SLCO6A1: variants seen among roughly 807,000 people sequenced by gnomAD.
SLCO6A1 encodes the protein solute carrier organic anion transporter family member 6A1.
A neutral mutation model predicts 72.7 loss-of-function variants in SLCO6A1; 65 were observed. That is an observed-to-expected ratio of 0.89 (90% confidence interval 0.73 to 1.10). SLCO6A1 has a LOEUF of 1.10. Ranked by LOEUF, SLCO6A1 falls within the 50% of genes least tolerant of loss-of-function variation. The probability of loss-of-function intolerance (pLI) is 0.00; values close to 1 mark genes in which losing one functional copy is unlikely to be tolerated. For synonymous variants in SLCO6A1, 314 were observed against 298.2 expected (o/e 1.05, Z -0.55); for missense variants, 874 against 872.6 (o/e 1.00, Z -0.02).
chr5:102,398,492 C>A (rs1747223708), intron 10 of SLCO6A1, among the ~76,000 whole-genome samples: 1 of 152,068 alleles, frequency 6.6e-6, no homozygotes, highest in Non-Finnish European at 1.5e-5. Context: ...CTACTAAATT[C>A]TAAGGGCTTT....
intron 12 of SLCO6A1, among the ~76,000 whole-genome samples, chr5:102,387,028 AG>A (rs761564993): frequency 6.2e-4 from 95 of 152,198 alleles, no homozygotes; most frequent in Admixed American, 3.5e-3. Flanking sequence ...ATATTCTTTC[AG>A]TGTAATGTCT....
chr5:102,378,696 GTTC>G (rs1745938860), intron 12 of SLCO6A1, among the ~76,000 whole-genome samples: 1 of 152,046 alleles, frequency 6.6e-6, no homozygotes, highest in Non-Finnish European at 1.5e-5. Context: ...ATGTAGTTGT[GTTC>G]TTTTCATTTT....
At chr5:102,405,783 A>G (rs1038457655) in intron 9 of SLCO6A1, among the ~76,000 whole-genome samples, 1 of 152,108 alleles carries the variant, frequency 6.6e-6, no homozygotes, top group Admixed American at 6.5e-5. Flanking sequence ...CATTATTTTC[A>G]TAAGATATTT....
intron 7 of SLCO6A1, among the ~76,000 whole-genome samples, chr5:102,422,335 G>A (rs1277828176): frequency 6.6e-6 from 1 of 152,150 alleles, no homozygotes; most frequent in Non-Finnish European, 1.5e-5. Context: ...CTGAGCTAAA[G>A]GAGCACATTC....
chr5:102,450,928 G>A (rs1363765996), intron 6 of SLCO6A1, among the ~76,000 whole-genome samples: 4 of 152,130 alleles, frequency 2.6e-5, no homozygotes, highest in African/African-American at 4.8e-5. Flanking sequence ...GATAGTAACC[G>A]TGGTACCACT....
intron 10 of SLCO6A1, 125 bp from the exon 11 acceptor site, chr5:102,391,170 AT>A (rs1231068726): frequency 3.4e-6 from 3 of 875,116 alleles, no homozygotes; most frequent in Non-Finnish European, 5.5e-6. Context: ...TCTTTAGCCA[AT>A]TGACAGAGTT....
chr5:102,434,912 A>C lies in SLCO6A1; in HGVS notation c.1276+3705T>G, dbSNP rs766632539. Among the ~76,000 whole-genome samples, 64 of 152,318 alleles carry C rather than the reference A, an allele frequency of 4.2e-4. 1 individual carries two copies. The highest frequency in any genetic ancestry group is 6.2e-4 in the South Asian group (3 of 4,830). On this transcript the variant is annotated intron_variant, in intron 7 of 13. Transcript: ENST00000506729. ...TACCCTGAGTGTAAAAAGAAAAAAA[A>C]TTATAGCCACTATGAGCAGAGACCA... is the stretch of plus-strand genomic sequence containing the variant.
At chr5:102,408,879 T>G (rs1480872121) in intron 9 of SLCO6A1, among the ~76,000 whole-genome samples, 10 of 152,182 alleles carry the variant, frequency 6.6e-5, no homozygotes, top group Non-Finnish European at 2.9e-5. Context: ...TTAAGCTGAA[T>G]GAAAACCTGA....
At chr5:102,382,843 T>G (rs1182002743) in intron 12 of SLCO6A1, among the ~76,000 whole-genome samples, 1 of 151,080 alleles carries the variant, frequency 6.6e-6, no homozygotes, top group East Asian at 1.9e-4. Flanking sequence ...GAAACTTTAC[T>G]GAAATCACTT....
At chr5:102,411,828 T>A (rs573585777) in intron 9 of SLCO6A1, among the ~76,000 whole-genome samples, 1 of 152,112 alleles carries the variant, frequency 6.6e-6, no homozygotes, top group Non-Finnish European at 1.5e-5. Flanking sequence ...CAGTCCTTTG[T>A]GGGGGGGAAA....
At position 102,491,377 on chromosome 5, in the gene SLCO6A1, G is replaced by A. The variant is rs540724142; in HGVS notation, c.358+7110C>T. ...GCAGGTGGAGCTGCCTGCCAGTTCCGCACGGTGCACCCGCACTCCTCAGCC... is the reference window on the plus strand; with the variant it reads ...GCAGGTGGAGCTGCCTGCCAGTTCCACACGGTGCACCCGCACTCCTCAGCC... On this transcript the variant is annotated intron_variant, in intron 1 of 13. Transcript: ENST00000506729. Among the ~76,000 whole-genome samples, 24 of 152,356 alleles carry A rather than the reference G, an allele frequency of 1.6e-4. No homozygotes were observed. In the South Asian group the frequency reaches 4.1e-3, roughly 26 times the overall value.
intron 12 of SLCO6A1, among the ~76,000 whole-genome samples, chr5:102,375,927 AAGGAGCT>A (rs1745759204): frequency 6.6e-6 from 1 of 152,146 alleles, no homozygotes; most frequent in Non-Finnish European, 1.5e-5. Context: ...CCATGGATCC[AAGGAGCT>A]CAGCATACAC....
At chr5:102,418,021 G>A (rs555091758) in intron 8 of SLCO6A1, among the ~76,000 whole-genome samples, 1 of 151,298 alleles carries the variant, frequency 6.6e-6, no homozygotes, top group African/African-American at 2.4e-5. Context: ...TACTTTTTTC[G>A]TCTAAAATTA....
chr5:102,493,558 A>T (rs529407971), intron 1 of SLCO6A1, among the ~76,000 whole-genome samples: 2 of 152,276 alleles, frequency 1.3e-5, no homozygotes, highest in East Asian at 3.9e-4. Context: ...GAAAGGCTGA[A>T]TTTTTTCTAT....
At chr5:102,469,010 T>C (rs1208300193) in intron 4 of SLCO6A1, among the ~76,000 whole-genome samples, 1 of 152,190 alleles carries the variant, frequency 6.6e-6, no homozygotes, top group Non-Finnish European at 1.5e-5. Context: ...TTCTGTTCCA[T>C]TGGTCTATAT....
chr5:102,413,213 T>C (rs1447036115), intron 8 of SLCO6A1, 70 bp from the exon 9 acceptor site: 2 of 1,382,686 alleles, frequency 1.4e-6, no homozygotes, highest in East Asian at 2.6e-5. Context: ...TGTCAAGATA[T>C]CAGTGAGATC....
At chr5:102,372,439 C>A (rs150882305) in intron 13 of SLCO6A1, among the ~76,000 whole-genome samples, 274 of 151,796 alleles carry the variant, frequency 1.8e-3, no homozygotes, top group African/African-American at 6.2e-3. Context: ...GATTTTTATA[C>A]AATATTTGGA....
chr5:102,398,192 A>AT (rs934285628), intron 10 of SLCO6A1, among the ~76,000 whole-genome samples: 6 of 151,518 alleles, frequency 4.0e-5, no homozygotes, highest in African/African-American at 1.2e-4. Flanking sequence ...CCTCTTATTT[A>AT]TTTTTTTTCA....
At chr5:102,429,629 C>A (rs1411711534) in intron 7 of SLCO6A1, among the ~76,000 whole-genome samples, 2 of 150,644 alleles carry the variant, frequency 1.3e-5, no homozygotes, top group Admixed American at 6.6e-5. Context: ...TGTGGCCTTA[C>A]TTCTGGGCTG....
Sources: allele counts gnomAD v4.1 joint callset (sites outside exome capture counted in the v4.1 genomes callset), GRCh38; gene constraint gnomAD v4.1.1; transcripts MANE v1.5; gene names NCBI Gene and HGNC (gene_info 2026-07-23, HGNC 2026-07-21).